CREB3L1: variants seen among roughly 807,000 people sequenced by gnomAD.
CREB3L1 encodes cyclic AMP-responsive element-binding protein 3-like protein 1.
A neutral mutation model predicts 54.5 loss-of-function variants in CREB3L1; 33 were observed. The ratio of observed to expected loss-of-function variants is 0.61; its 90% CI spans 0.46 to 0.81. The LOEUF is 0.81. CREB3L1 is among the 30% of genes least tolerant of loss of function. The pLI is 0.00. For missense variants in CREB3L1, 656 were observed against 673.3 expected, an observed-to-expected ratio of 0.97 and a Z score of 0.29; for synonymous variants, 284 against 286.4, an observed-to-expected ratio of 0.99 and a Z score of 0.08.
chr11:46,284,100 T>C (rs894085886), intron 1 of CREB3L1, among the ~76,000 whole-genome samples: 1 of 152,156 alleles, frequency 6.6e-6, no homozygotes, highest in Non-Finnish European at 1.5e-5. Flanking sequence ...CTTCAGCAAC[T>C]GGGCACTGAA....
chr11:46,278,755 G>A lies in CREB3L1; in HGVS notation c.102+542G>A, dbSNP rs576317340. ...CCCCCCACCCCAGGGAGGGACCTGA[G>A]GCTGGGGGCTGGGAAGAGGCGGTCA... On this transcript the variant is annotated intron_variant, in intron 1 of 11. Transcript: ENST00000621158. The surrounding 1 kb of genome is among the most constrained non-coding windows in gnomAD (Gnocchi z 4.2). Among the ~76,000 whole-genome samples, 58 of 152,342 alleles carry A rather than the reference G, an allele frequency of 3.8e-4. No individual in the cohort carries two copies. Among genetic ancestry groups the A allele is most frequent in the African/African-American group, 1.4e-3 (57 of 41,584 alleles).
intron 2 of CREB3L1, among the ~76,000 whole-genome samples, chr11:46,305,741 TATA>T (rs757491478): frequency 0.082 from 9,981 of 121,128 alleles, 768 homozygotes; most frequent in African/African-American, 0.12. Flanking sequence ...TGTATATATA[TATA>T]TATTTTTTTT....
chr11:46,306,722 A>C (rs1939401692), intron 2 of CREB3L1, among the ~76,000 whole-genome samples: 1 of 151,828 alleles, frequency 6.6e-6, no homozygotes, highest in Non-Finnish European at 1.5e-5. Context: ...GTAAATGTTT[A>C]CTAAATAACA....
intron 2 of CREB3L1, 131 bp downstream of exon 2, chr11:46,300,294 C>T (rs943760322): frequency 5.5e-5 from 37 of 668,452 alleles, no homozygotes; most frequent in Non-Finnish European, 8.0e-5. Context: ...CCACAAACCC[C>T]TTAGGAGGTG....
rs542371354 is a variant in CREB3L1, at chr11:46,295,770, C to T, written c.103-4165C>T. ...TAACCCTTTGTGGGCCGCTCCAGGA[C>T]GGCGGCACCCGGATCCTTCTCTAAA... On this transcript the variant is annotated intron_variant, in intron 1 of 11. Transcript: ENST00000621158. This position sits in a 1 kb window ranked among gnomAD's most constrained non-coding sequence, Gnocchi z 4.6. 2.6e-3 allele frequency among the ~76,000 whole-genome samples: 391 copies of T among 152,332 alleles called. 2 individuals are homozygous for T. The highest frequency in any genetic ancestry group is 8.8e-3 in the African/African-American group (368 of 41,594).
chr11:46,283,409 C>A (rs1939007624), intron 1 of CREB3L1, among the ~76,000 whole-genome samples: 1 of 151,928 alleles, frequency 6.6e-6, no homozygotes, highest in African/African-American at 2.4e-5. Context: ...TTTTACCAGC[C>A]CCATAGAGAA....
Position 46,320,295 on chromosome 11 carries a change from C to T in CREB3L1, c.1290C>T (p.Asp430=), listed in dbSNP as rs373046103. Reference sequence around the variant, plus strand: ...CCCGAAGCCTCCTATTCTACGATGACGGGGCAGGCTTATGGGAAGATGGCC... The same window carrying T: ...CCCGAAGCCTCCTATTCTACGATGATGGGGCAGGCTTATGGGAAGATGGCC... ...MPSRSLLFYD[D]GAGLWEDGRS... is the part of the protein sequence containing the mutation. Residue 430 remains aspartate, a synonymous_variant, in exon 11 of 12, where the codon GAC becomes GAT. Transcript: ENST00000621158. 2.9e-5 allele frequency: 47 copies of T among 1,611,472 alleles called. No individual in the cohort carries two copies. The African/African-American group carries it at 3.9e-4, about 13-fold the overall frequency.
intron 2 of CREB3L1, among the ~76,000 whole-genome samples, chr11:46,302,063 G>T (rs768473658): frequency 9.3e-5 from 14 of 150,936 alleles, no homozygotes; most frequent in Non-Finnish European, 1.9e-4. Flanking sequence ...AGCTACTCAG[G>T]AGGCTAAGGC....
intron 1 of CREB3L1, among the ~76,000 whole-genome samples, chr11:46,288,846 C>T (rs1939093685): frequency 6.6e-6 from 1 of 152,168 alleles, no homozygotes. Context: ...CCCCGCTTGA[C>T]CACTTGCTAA....
At chr11:46,296,013 G>A (rs1939205863) in intron 1 of CREB3L1, among the ~76,000 whole-genome samples, 2 of 152,146 alleles carry the variant, frequency 1.3e-5, no homozygotes, top group Admixed American at 1.3e-4. Flanking sequence ...GTCCTTCTCC[G>A]GCTTCCCACC....
Position 46,311,191 on chromosome 11 carries a change from T to A in CREB3L1, c.753+2T>A. ...TCCCCACTCCTCACTGCCCCTCACG[T>A]AAGGAGCTGGGGGTGGGCTGATCCC... On this transcript the variant is annotated splice_donor_variant, in intron 5 of 11. Transcript: ENST00000621158. LOFTEE classifies it high-confidence loss of function. The A allele has an allele frequency of 6.4e-7, 1 of 1,573,402 alleles. No homozygotes were observed. Among genetic ancestry groups the A allele is most frequent in the Non-Finnish European group, 8.6e-7 (1 of 1,164,524 alleles).
chr11:46,320,883 C>T lies in CREB3L1; in HGVS notation c.*137C>T. On this transcript the variant is annotated 3_prime_UTR_variant, in exon 12 of 12. Transcript: ENST00000621158. ...GGAGAAAAGGCTCCACTTCCCAGCCCTTCCTTGCCCCTGACATTTGGACTC... is the reference window on the plus strand; with the variant it reads ...GGAGAAAAGGCTCCACTTCCCAGCCTTTCCTTGCCCCTGACATTTGGACTC... The T allele has an allele frequency of 2.2e-6, 2 of 911,288 alleles. No homozygotes were observed. Among genetic ancestry groups the T allele is most frequent in the Non-Finnish European group, 3.5e-6 (2 of 564,782 alleles). The allele number at this position is 911,288 out of a possible 1,614,324, so 56.5% of individuals were successfully genotyped here.
chr11:46,310,992 T>C (rs1239271399), intron 4 of CREB3L1, 40 bp from the exon 5 acceptor site: 2 of 1,526,680 alleles, frequency 1.3e-6, no homozygotes, highest in East Asian at 4.8e-5. Flanking sequence ...GTGGAGCTGA[T>C]GTGCAACGTT....
chr11:46,309,993 C>G lies in CREB3L1; in HGVS notation c.521C>G (p.Pro174Arg). 6.3e-7 allele frequency: 1 copy of G among 1,599,258 alleles called. No homozygotes were observed. The highest frequency in any genetic ancestry group is 1.1e-5 in the South Asian group (1 of 87,992). Residue 174 changes from proline (P) to arginine (R), a missense_variant, in exon 4 of 12, where the codon CCG becomes CGG. Transcript: ENST00000621158. ...CTGGGCTTGTCTGTTCCTCAGGCCC[C>G]GGGAGAGATGACTCAGCTGCCAGTG... ...LSRLPIPHQA[P>R]GEMTQLPVIK...
intron 5 of CREB3L1, among the ~76,000 whole-genome samples, chr11:46,311,562 C>T (rs1444071841): frequency 6.6e-6 from 1 of 151,718 alleles, no homozygotes; most frequent in Non-Finnish European, 1.5e-5. Flanking sequence ...TGCAGTGGCA[C>T]GATCTCGGCT....
chr11:46,281,665 G>A (rs755211801), intron 1 of CREB3L1, among the ~76,000 whole-genome samples: 7 of 152,200 alleles, frequency 4.6e-5, no homozygotes, highest in South Asian at 4.1e-4. Flanking sequence ...CTCCCCACAC[G>A]CCTAGCCTGG....
chr11:46,283,929 C>T (rs1342450008), intron 1 of CREB3L1, among the ~76,000 whole-genome samples: 1 of 152,076 alleles, frequency 6.6e-6, no homozygotes, highest in Non-Finnish European at 1.5e-5. Context: ...CTGAAGGGAT[C>T]CTGGGGTTTT....
chr11:46,286,583 G>C (rs1225089903), intron 1 of CREB3L1, among the ~76,000 whole-genome samples: 3 of 152,176 alleles, frequency 2.0e-5, no homozygotes, highest in Non-Finnish European at 4.4e-5. Context: ...TCAGTAGTTT[G>C]AGACCAGCCT....
chr11:46,311,145 T>C lies in CREB3L1; in HGVS notation c.709T>C (p.Ser237Pro), dbSNP rs756569240. Residue 237 changes from serine to proline, a missense_variant, in exon 5 of 12, where the codon TCC (serine) becomes CCC (proline). Ser to Pro is a moderately conservative substitution (Grantham distance 74). Coordinates refer to ENST00000621158, the MANE Select transcript of CREB3L1 (RefSeq NM_052854.4). ...PSSPVRPMARSSTAISTSPLL... is the reference protein window; with the variant it reads ...PSSPVRPMARPSTAISTSPLL... Reference sequence around the variant, plus strand: ...CAGCCCTGTCAGGCCCATGGCGCGCTCCTCCACGGCCATCTCCACCTCCCC... The same window carrying C: ...CAGCCCTGTCAGGCCCATGGCGCGCCCCTCCACGGCCATCTCCACCTCCCC... 9.4e-6 allele frequency: 15 copies of C among 1,602,996 alleles called. No homozygotes were observed. The highest frequency in any genetic ancestry group is 1.2e-5 in the Non-Finnish European group (14 of 1,178,498).
Sources: allele counts gnomAD v4.1 joint callset (sites outside exome capture counted in the v4.1 genomes callset), GRCh38; gene constraint gnomAD v4.1.1; non-coding constraint Gnocchi (gnomAD v3.1); transcripts MANE v1.5; gene names NCBI Gene and HGNC (gene_info 2026-07-23, HGNC 2026-07-21).